PLXDC2: variants seen among roughly 807,000 people sequenced by gnomAD.
PLXDC2 encodes plexin domain containing 2.
A neutral mutation model predicts 68.9 loss-of-function variants in PLXDC2; 40 were observed. The observed-to-expected ratio is 0.58, with a 90% CI of 0.45 to 0.76. The LOEUF (loss-of-function observed/expected upper bound fraction) is 0.76. PLXDC2 is among the 30% of genes least tolerant of loss of function. PLXDC2 has a pLI of 0.00. For synonymous variants in PLXDC2, 243 were observed against 234.2 expected, an observed-to-expected ratio of 1.04 and a Z score of -0.34; for missense variants, 644 against 661.9, an observed-to-expected ratio of 0.97 and a Z score of 0.30.
intron 4 of PLXDC2, among the ~76,000 whole-genome samples, chr10:20,108,681 A>C (rs1301641993): frequency 3.3e-5 from 5 of 152,168 alleles, no homozygotes; most frequent in Non-Finnish European, 7.3e-5. Context: ...AAATCTCATC[A>C]TCCTCTTTTT....
chr10:19,972,428 C>T (rs1330059287), intron 1 of PLXDC2, among the ~76,000 whole-genome samples: 1 of 152,132 alleles, frequency 6.6e-6, no homozygotes, highest in Non-Finnish European at 1.5e-5. Context: ...AAACAATAGA[C>T]ACCAGAGTCT....
chr10:20,005,840 G>A (rs990177165), intron 2 of PLXDC2, among the ~76,000 whole-genome samples: 6 of 152,176 alleles, frequency 3.9e-5, no homozygotes, highest in East Asian at 3.9e-4. Flanking sequence ...AATGAGATTC[G>A]GAAGGGACAA....
At chr10:19,932,311 T>C (rs1461293035) in intron 1 of PLXDC2, among the ~76,000 whole-genome samples, 2 of 152,232 alleles carry the variant, frequency 1.3e-5, no homozygotes, top group East Asian at 3.8e-4. Flanking sequence ...CTCCACTTTC[T>C]TTTCTCTTGG....
intron 1 of PLXDC2, among the ~76,000 whole-genome samples, chr10:19,908,798 G>A (rs568731830): frequency 6.6e-6 from 1 of 151,978 alleles, no homozygotes; most frequent in African/African-American, 2.4e-5. Context: ...ACTGTCCATG[G>A]GTCTTTGTGT....
chr10:20,037,851 C>T (rs956661846), intron 2 of PLXDC2, among the ~76,000 whole-genome samples: 2 of 152,056 alleles, frequency 1.3e-5, no homozygotes, highest in African/African-American at 4.8e-5. Context: ...ATGGAAATAC[C>T]GCTGGAATCC....
At chr10:20,219,830 T>C (rs1450501930) in intron 12 of PLXDC2, among the ~76,000 whole-genome samples, 2 of 152,134 alleles carry the variant, frequency 1.3e-5, no homozygotes, top group Non-Finnish European at 2.9e-5. Context: ...TTTATGTAAA[T>C]GTGAGCACAT....
At chr10:19,888,986 A>T (rs1050666401) in intron 1 of PLXDC2, among the ~76,000 whole-genome samples, 11 of 151,776 alleles carry the variant, frequency 7.2e-5, no homozygotes, top group African/African-American at 2.4e-4. Flanking sequence ...TTTGATAGAC[A>T]TTTTTTTTCA....
chr10:19,922,766 A>C (rs1468115230), intron 1 of PLXDC2, among the ~76,000 whole-genome samples: 1 of 152,198 alleles, frequency 6.6e-6, no homozygotes, highest in Admixed American at 6.5e-5. Context: ...TTGAAAGCTT[A>C]TAAAGTTGGT....
At chr10:19,944,147 C>T (rs973563224) in intron 1 of PLXDC2, among the ~76,000 whole-genome samples, 3 of 152,124 alleles carry the variant, frequency 2.0e-5, no homozygotes, top group African/African-American at 4.8e-5. Flanking sequence ...CAGAATTTCT[C>T]GAGTTTTCTT....
chr10:19,865,574 AGGGTATAAT>A (rs1281858679), intron 1 of PLXDC2, among the ~76,000 whole-genome samples: 4 of 152,096 alleles, frequency 2.6e-5, no homozygotes, highest in Admixed American at 1.3e-4. Flanking sequence ...TTAGCCTCTC[AGGGTATAAT>A]GGGTAGTAAA....
At chr10:20,237,694 A>G (rs1447730587) in intron 12 of PLXDC2, among the ~76,000 whole-genome samples, 3 of 152,222 alleles carry the variant, frequency 2.0e-5, no homozygotes, top group African/African-American at 7.2e-5. Flanking sequence ...TTCAGCATTT[A>G]TAGTTTAACT....
chr10:19,825,848 A>G (rs1402966222), intron 1 of PLXDC2, among the ~76,000 whole-genome samples: 2 of 152,142 alleles, frequency 1.3e-5, no homozygotes, highest in African/African-American at 2.4e-5. Context: ...GAACCTGGTT[A>G]TTTATATGCT....
chr10:20,247,386 A>G (rs943640167), intron 13 of PLXDC2, among the ~76,000 whole-genome samples: 3 of 151,724 alleles, frequency 2.0e-5, no homozygotes, highest in African/African-American at 7.3e-5. Context: ...CTGAAATGGT[A>G]GGATTGCTTG....
chr10:20,105,170 ACT>A (rs1833475554), intron 4 of PLXDC2, among the ~76,000 whole-genome samples: 1 of 151,182 alleles, frequency 6.6e-6, no homozygotes, highest in Non-Finnish European at 1.5e-5. Context: ...TTTCCTTGAG[ACT>A]CTCCACCCGC....
At chr10:20,095,864 A>G (rs1833342588) in intron 4 of PLXDC2, among the ~76,000 whole-genome samples, 1 of 152,176 alleles carries the variant, frequency 6.6e-6, no homozygotes, top group Non-Finnish European at 1.5e-5. Flanking sequence ...GTTTCTGAAG[A>G]TGAGATGACT....
At chr10:19,982,452 G>C (rs1464703118) in intron 1 of PLXDC2, among the ~76,000 whole-genome samples, 2 of 152,120 alleles carry the variant, frequency 1.3e-5, no homozygotes, top group South Asian at 2.1e-4. Context: ...TGTGGTACAG[G>C]CTGCTCTTTG....
In PLXDC2 at chr10:19,966,703, A is replaced by G. The variant is rs559618591; in HGVS notation, c.113-35072A>G. 7.2e-5 allele frequency among the ~76,000 whole-genome samples: 11 copies of G among 152,210 alleles called. No homozygotes were observed. The East Asian group carries it at 9.6e-4, about 13-fold the overall frequency. ...CCTTCCTTAATACCACTGAACATTA[A>G]GCAAGACTGTAGTCCCACCACACTA... On this transcript the variant is annotated intron_variant, in intron 1 of 13. Coordinates refer to ENST00000377252, the MANE Select transcript of PLXDC2 (RefSeq NM_032812.9).
At chr10:20,157,411 A>C (rs1389947188) in intron 6 of PLXDC2, among the ~76,000 whole-genome samples, 1 of 152,232 alleles carries the variant, frequency 6.6e-6, no homozygotes, top group Non-Finnish European at 1.5e-5. Context: ...CCTACTGGAT[A>C]GATAGCTGGG....
chr10:19,954,748 A>T (rs1349784995), intron 1 of PLXDC2, among the ~76,000 whole-genome samples: 1 of 152,208 alleles, frequency 6.6e-6, no homozygotes, highest in Non-Finnish European at 1.5e-5. Context: ...AATTGTTTCA[A>T]ACTGGTTAGA....
Sources: allele counts gnomAD v4.1 joint callset (sites outside exome capture counted in the v4.1 genomes callset), GRCh38; gene constraint gnomAD v4.1.1; transcripts MANE v1.5; gene names NCBI Gene and HGNC (gene_info 2026-07-23, HGNC 2026-07-21).